The following COL4A3 variants were observed in gnomAD, a reference collection of about 807,000 sequenced individuals.
The protein encoded by COL4A3 is collagen type IV alpha 3 chain.
COL4A3 carries 135 observed loss-of-function variants against 217.4 expected under a neutral mutation model. That is an observed-to-expected ratio of 0.62 (90% confidence interval 0.54 to 0.72). The LOEUF is 0.72. Ranked by LOEUF, COL4A3 falls within the 30% of genes least tolerant of loss-of-function variation. The probability of loss-of-function intolerance (pLI) is 0.00; values close to 1 mark genes in which losing one functional copy is unlikely to be tolerated. For missense variants in COL4A3, 1,868 were observed against 2,119.9 expected (o/e 0.88, Z 2.33); for synonymous variants, 690 against 736.3 (o/e 0.94, Z 1.02).
At chr2:227,257,674 T>C (rs757842944) in intron 18 of COL4A3, 30 bp downstream of exon 18, 1 of 1,601,786 alleles carries the variant, frequency 6.2e-7, no homozygotes, top group Non-Finnish European at 8.6e-7. Context: ...ATATCAATGC[T>C]ATGTTTGATC....
chr2:227,264,009 G>C lies in COL4A3; in HGVS notation c.1315+65G>C, dbSNP rs1045355684. On this transcript the variant is annotated intron_variant, in intron 21 of 51. Coordinates refer to ENST00000396578, the MANE Select transcript of COL4A3 (RefSeq NM_000091.5). ...AAATGACAGATGTGTGCAAACCACG[G>C]GCAACAAACCCTCCTCACAGCTTAG... The C allele has an allele frequency of 1.9e-6, 3 of 1,578,488 alleles. No individual in the cohort carries two copies. The African/African-American group carries it at 4.0e-5, about 21-fold the overall frequency.
intron 3 of COL4A3, among the ~76,000 whole-genome samples, chr2:227,242,785 T>G (rs192584520): frequency 6.2e-4 from 94 of 152,354 alleles, no homozygotes; most frequent in African/African-American, 2.2e-3. Context: ...GTCACATATA[T>G]GATGCCAGAA....
intron 11 of COL4A3, 152 bp downstream of exon 11, chr2:227,251,523 C>A (rs1442985359): frequency 2.9e-6 from 2 of 684,166 alleles, no homozygotes; most frequent in Non-Finnish European, 2.6e-6. Context: ...GCTGCTCTCA[C>A]CTCTTTTCTC....
chr2:227,182,084 G>A (rs1252419649), intron 1 of COL4A3, among the ~76,000 whole-genome samples: 1 of 152,004 alleles, frequency 6.6e-6, no homozygotes, highest in African/African-American at 2.4e-5. Flanking sequence ...AATTTTCTCA[G>A]CATTACTTCT....
intron 2 of COL4A3, among the ~76,000 whole-genome samples, chr2:227,239,010 GCA>G (rs1277139459): frequency 3.9e-5 from 6 of 152,114 alleles, no homozygotes; most frequent in African/African-American, 7.2e-5. Context: ...GAGTGTGTGT[GCA>G]CACACACAAT....
chr2:227,293,058 C>A, intron 37 of COL4A3, 133 bp from the exon 38 acceptor site: 1 of 1,158,390 alleles, frequency 8.6e-7, no homozygotes. Flanking sequence ...GCACCTATCA[C>A]AGTGCTGGCA....
chr2:227,262,925 T>C (rs1559878055), intron 20 of COL4A3, among the ~76,000 whole-genome samples: 1 of 152,132 alleles, frequency 6.6e-6, no homozygotes, highest in African/African-American at 2.4e-5. Flanking sequence ...TCAAATTAAC[T>C]GGAAGAGAGG....
intron 1 of COL4A3, among the ~76,000 whole-genome samples, chr2:227,214,249 G>A (rs1282430327): frequency 6.6e-6 from 1 of 152,032 alleles, no homozygotes; most frequent in Non-Finnish European, 1.5e-5. Context: ...GAGGAAACAA[G>A]GTTATTTATA....
At position 227,246,737 on chromosome 2, in the gene COL4A3, C is replaced by T. The variant is rs781415019; in HGVS notation, c.440C>T (p.Pro147Leu). ...LPGTLGYPGI[P>L]GAAGLKGQKG... ...GGGACACTGGGCTACCCAGGGATCC[C>T]GGTAGGTTTGCATGCCTAATTCCCC... Residue 147 changes from proline (P) to leucine (L), a missense_variant and splice_region_variant, in exon 7 of 52, where the codon CCG becomes CTG. This residue lies in a region of COL4A3 where 365 missense variants were observed against 333.8 expected (regional missense o/e 1.09). Coordinates refer to ENST00000396578, the MANE Select transcript of COL4A3 (RefSeq NM_000091.5). 42 of 1,611,594 alleles carry T rather than the reference C, an allele frequency of 2.6e-5. No homozygotes were observed. The highest frequency in any genetic ancestry group is 3.1e-5 in the Non-Finnish European group (36 of 1,178,026).
In COL4A3 at chr2:227,266,989, G is replaced by C; in HGVS notation, c.1409-4G>C. 1.2e-6 allele frequency: 2 copies of C among 1,604,312 alleles called. No homozygotes were observed. Among genetic ancestry groups the C allele is most frequent in the Non-Finnish European group, 1.7e-6 (2 of 1,171,186 alleles). ...TAAGTAATGCTAGTATGCTCTCATT[G>C]CAGGAGAACCAGGCCTCCTGTGTAC... On this transcript the variant is annotated splice_polypyrimidine_tract_variant and splice_region_variant and intron_variant, in intron 22 of 51. Transcript: ENST00000396578.
chr2:227,204,036 G>C (rs1574563396), intron 1 of COL4A3, among the ~76,000 whole-genome samples: 1 of 152,086 alleles, frequency 6.6e-6, no homozygotes, highest in East Asian at 1.9e-4. Context: ...GGAAAAAATG[G>C]TAAGAACCTT....
At chr2:227,285,320 G>C (rs2072253401) in intron 34 of COL4A3, among the ~76,000 whole-genome samples, 1 of 142,342 alleles carries the variant, frequency 7.0e-6, no homozygotes, top group Non-Finnish European at 1.5e-5. Context: ...ACAGGGTGCT[G>C]TAGACTACAA....
At chr2:227,170,568 C>A (rs1052244360) in intron 1 of COL4A3, among the ~76,000 whole-genome samples, 1 of 151,964 alleles carries the variant, frequency 6.6e-6, no homozygotes, top group Non-Finnish European at 1.5e-5. Flanking sequence ...AAGAAACCAC[C>A]CCCATGATTC....
Position 227,253,735 on chromosome 2 carries a change from G to T in COL4A3, c.765+97G>T. 9.2e-7 allele frequency: 1 copy of T among 1,083,814 alleles called. No homozygotes were observed. The highest frequency in any genetic ancestry group is 1.7e-5 in the Admixed American group (1 of 59,184). The allele number at this position is 1,083,814 out of a possible 1,614,324, so 67.1% of individuals were successfully genotyped here. A position where few individuals can be genotyped will look rare whatever the true frequency, so the allele number is the denominator to read the frequency against. On this transcript the variant is annotated intron_variant, in intron 13 of 51. Coordinates refer to ENST00000396578, the MANE Select transcript of COL4A3 (RefSeq NM_000091.5). The surrounding 1 kb of genome is among the most constrained non-coding windows in gnomAD (Gnocchi z 4.4). ...TCTTTTACAAGCTCTTGTTATCTAA[G>T]TCCAGCTCAGCCCAGCTCCCTCAGC...
chr2:227,179,432 C>T (rs890328447), intron 1 of COL4A3, among the ~76,000 whole-genome samples: 2 of 152,198 alleles, frequency 1.3e-5, no homozygotes, highest in African/African-American at 4.8e-5. Flanking sequence ...TATTACTTGA[C>T]TCTGCAATCT....
chr2:227,224,723 C>G (rs2067993939), intron 1 of COL4A3, among the ~76,000 whole-genome samples: 1 of 151,534 alleles, frequency 6.6e-6, no homozygotes, highest in East Asian at 1.9e-4. Flanking sequence ...CCATTGCACT[C>G]CAGCCTGGGC....
chr2:227,264,614 A>C (rs187679488), intron 21 of COL4A3: 1 of 153,178 alleles, frequency 6.5e-6, no homozygotes, highest in Admixed American at 6.5e-5. Flanking sequence ...GTGTTGGCTC[A>C]TAGGTACAAT....
At chr2:227,197,441 T>C (rs1218257047) in intron 1 of COL4A3, among the ~76,000 whole-genome samples, 1 of 152,192 alleles carries the variant, frequency 6.6e-6, no homozygotes, top group East Asian at 1.9e-4. Context: ...TTTGTATAAG[T>C]ACACTCTATG....
intron 1 of COL4A3, among the ~76,000 whole-genome samples, chr2:227,189,945 A>C (rs2066169150): frequency 6.6e-6 from 1 of 152,130 alleles, no homozygotes; most frequent in South Asian, 2.1e-4. Flanking sequence ...TCTTCCCCCC[A>C]AATCAGGAAG....
Sources: allele counts gnomAD v4.1 joint callset (sites outside exome capture counted in the v4.1 genomes callset), GRCh38; gene constraint gnomAD v4.1.1; regional missense constraint gnomAD v4.1.1; non-coding constraint Gnocchi (gnomAD v3.1); transcripts MANE v1.5; gene names NCBI Gene and HGNC (gene_info 2026-07-23, HGNC 2026-07-21).